Variants in PRKAG2 observed in about 807,000 individuals in gnomAD.
PRKAG2 encodes the protein protein kinase AMP-activated non-catalytic subunit gamma 2, also known as 5'-AMP-activated protein kinase subunit gamma-2.
A neutral mutation model predicts 69.6 loss-of-function variants in PRKAG2; 26 were observed. That is an observed-to-expected ratio of 0.37 (90% CI 0.27 to 0.52). The LOEUF (loss-of-function observed/expected upper bound fraction) is 0.52, where lower values mean the gene tolerates loss of function less well. Among genes scored for constraint, PRKAG2 ranks in the 20% least tolerant of loss-of-function variants. The probability of loss-of-function intolerance (pLI) is 0.90; values close to 1 mark genes in which losing one functional copy is unlikely to be tolerated. For missense variants in PRKAG2, 557 were observed against 740.0 expected (o/e 0.75, Z 2.87); for synonymous variants, 293 against 285.0 (o/e 1.03, Z -0.28).
At chr7:151,842,530 ATGATGGTAGTGATGGTAGGTAG>A (rs1273265901) in intron 1 of PRKAG2, among the ~76,000 whole-genome samples, 52 of 142,696 alleles carry the variant, frequency 3.6e-4, no homozygotes, top group African/African-American at 1.1e-3. Flanking sequence ...GTAGGTAGTG[ATGATGGTAGTGATGGTAGGTAG>A]TGATGGTAGT....
intron 1 of PRKAG2, among the ~76,000 whole-genome samples, chr7:151,844,920 A>G (rs1298917089): frequency 3.3e-5 from 5 of 150,202 alleles, no homozygotes. Context: ...TGGCAGATGA[A>G]TTCTGTGCTC....
chr7:151,778,811 C>T lies in PRKAG2; in HGVS notation c.466+2341G>A, dbSNP rs542320529. On this transcript the variant is annotated intron_variant, in intron 3 of 15. Coordinates refer to ENST00000287878, the MANE Select transcript of PRKAG2 (RefSeq NM_016203.4). ...AAAATTGGAATATCAGATAAAGCAACATTTTCCTTCCACCCATCCACTCCT... is the reference window on the plus strand; with the variant it reads ...AAAATTGGAATATCAGATAAAGCAATATTTTCCTTCCACCCATCCACTCCT... Among the ~76,000 whole-genome samples the T allele has an allele frequency of 8.5e-5, 13 of 152,328 alleles. No homozygotes were observed. The East Asian group carries it at 1.5e-3, about 18-fold the overall frequency.
chr7:151,830,670 A>C, intron 1 of PRKAG2, among the ~76,000 whole-genome samples: 1 of 149,836 alleles, frequency 6.7e-6, no homozygotes, highest in African/African-American at 2.4e-5. Context: ...GGCGGGGGGA[A>C]GAGGAACCAG....
intron 1 of PRKAG2, among the ~76,000 whole-genome samples, chr7:151,831,908 C>T (rs184216391): frequency 7.9e-5 from 12 of 152,226 alleles, no homozygotes; most frequent in East Asian, 1.9e-4. Flanking sequence ...TCCCCAGAAC[C>T]GAGACGGGAG....
At chr7:151,747,538 TAGAG>T (rs964493181) in intron 3 of PRKAG2, among the ~76,000 whole-genome samples, 2 of 150,144 alleles carry the variant, frequency 1.3e-5, no homozygotes, top group Non-Finnish European at 3.0e-5. Flanking sequence ...GCCTGGGTGA[TAGAG>T]AGAGACTCCG....
In PRKAG2 at chr7:151,567,024, A is replaced by G. The variant is rs565086022; in HGVS notation, c.1234-1139T>C. Among the ~76,000 whole-genome samples, 7 of 152,346 alleles carry G rather than the reference A, an allele frequency of 4.6e-5. No individual in the cohort carries two copies. Among genetic ancestry groups the G allele is most frequent in the African/African-American group, 1.7e-4 (7 of 41,572 alleles). ...CTTTTTATAGAAGATAAAAATCTGA[A>G]GCAGCTCTGCAAAAGAATGATCTCA... On this transcript the variant is annotated intron_variant, in intron 11 of 15. Transcript: ENST00000287878. The surrounding 1 kb of genome is among the most constrained non-coding windows in gnomAD (Gnocchi z 4.2).
At chr7:151,856,902 G>A (rs2079792991) in intron 1 of PRKAG2, among the ~76,000 whole-genome samples, 1 of 152,090 alleles carries the variant, frequency 6.6e-6, no homozygotes, top group Non-Finnish European at 1.5e-5. Context: ...ACAACAAGAA[G>A]GGCGGAGAGA....
chr7:151,796,963 C>A (rs556178833), intron 1 of PRKAG2, among the ~76,000 whole-genome samples: 18 of 151,996 alleles, frequency 1.2e-4, no homozygotes, highest in African/African-American at 4.4e-4. Flanking sequence ...TTTATTGGCT[C>A]GCAAATAAAA....
chr7:151,746,389 C>G (rs1356681857), intron 3 of PRKAG2, among the ~76,000 whole-genome samples: 1 of 152,218 alleles, frequency 6.6e-6, no homozygotes, highest in East Asian at 1.9e-4. Context: ...GTTTAAAACA[C>G]TTAGGTCAGA....
At chr7:151,853,382 A>T (rs370949248) in intron 1 of PRKAG2, among the ~76,000 whole-genome samples, 4 of 152,162 alleles carry the variant, frequency 2.6e-5, no homozygotes, top group Non-Finnish European at 5.9e-5. Context: ...TAATTTACGT[A>T]TATGTTTTTC....
In PRKAG2 at chr7:151,614,071, C is replaced by T. The variant is rs1438452806; in HGVS notation, c.754+17998G>A. Among the ~76,000 whole-genome samples, 3 of 152,112 alleles carry T rather than the reference C, an allele frequency of 2.0e-5. No individual in the cohort carries two copies. The highest frequency in any genetic ancestry group is 2.9e-5 in the Non-Finnish European group (2 of 68,000). On this transcript the variant is annotated intron_variant, in intron 5 of 15. Coordinates refer to ENST00000287878, the MANE Select transcript of PRKAG2 (RefSeq NM_016203.4). The surrounding 1 kb of genome is among the most constrained non-coding windows in gnomAD (Gnocchi z 4.4). ...ACCTTACCTCCAACTCAGACACCCC[C>T]GCTCCAGTGACCAACTCTCTGGTCT...
intron 3 of PRKAG2, among the ~76,000 whole-genome samples, chr7:151,682,015 G>T (rs377301922): frequency 6.6e-6 from 1 of 152,186 alleles, no homozygotes; most frequent in African/African-American, 2.4e-5. Flanking sequence ...CCCATGTAGG[G>T]AGGGACAGGC....
At chr7:151,744,774 C>T (rs772371061) in intron 3 of PRKAG2, among the ~76,000 whole-genome samples, 9 of 152,100 alleles carry the variant, frequency 5.9e-5, no homozygotes, top group Non-Finnish European at 1.2e-4. Context: ...CTGGGAGCAC[C>T]GCGCAGGCAG....
chr7:151,564,336 ATTTAGTACCTGCATAC>A, intron 13 of PRKAG2, 112 bp from the exon 14 acceptor site: 1 of 1,136,282 alleles, frequency 8.8e-7, no homozygotes, highest in South Asian at 1.3e-5. Flanking sequence ...GCTTATCTGA[ATTTAGTACCTGCATAC>A]ATCAGACGTT....
rs560080587 is a variant in PRKAG2 at position 151,605,936 on chromosome 7, C to CAAAAAAAAAAAAAAAAAAAAAA, written c.755-10483_755-10482insTTTTTTTTTTTTTTTTTTTTTT. ...CTGGCGACAGAGCGAGACTCCGTCT[C>CAAAAAAAAAAAAAAAAAAAAAA]AAAAAAAAAAAAAAAAAAAAGAATT... On this transcript the variant is annotated intron_variant, in intron 5 of 15. Transcript: ENST00000287878. Among the ~76,000 whole-genome samples, 23 of 91,046 alleles carry CAAAAAAAAAAAAAAAAAAAAAA rather than the reference C, an allele frequency of 2.5e-4. 1 individual carries two copies. The highest frequency in any genetic ancestry group is 8.5e-4 in the African/African-American group (22 of 25,878). The allele number at this position is 91,046 out of a possible 152,430, so 59.7% of individuals were successfully genotyped here.
At chr7:151,737,581 C>T (rs1025465492) in intron 3 of PRKAG2, among the ~76,000 whole-genome samples, 3 of 152,140 alleles carry the variant, frequency 2.0e-5, no homozygotes, top group East Asian at 1.9e-4. Context: ...ACGGCTCGTC[C>T]GAAAACAAGG....
In PRKAG2 at chr7:151,836,672, G is replaced by A. The variant is rs2079153691; in HGVS notation, c.114+39835C>T. ...CTGGGTGCAGCCTTAGCGGGGCACA[G>A]GAGGGCGTGTATGCGGGTCCTCCAG... On this transcript the variant is annotated intron_variant, in intron 1 of 15. Transcript: ENST00000287878. This position sits in a 1 kb window ranked among gnomAD's most constrained non-coding sequence, Gnocchi z 4.1. 6.6e-6 allele frequency among the ~76,000 whole-genome samples: 1 copy of A among 152,206 alleles called. No individual in the cohort carries two copies. Among genetic ancestry groups the A allele is most frequent in the African/African-American group, 2.4e-5 (1 of 41,454 alleles).
chr7:151,728,306 G>A (rs993675060), intron 3 of PRKAG2, among the ~76,000 whole-genome samples: 13 of 152,122 alleles, frequency 8.5e-5, no homozygotes, highest in African/African-American at 1.2e-4. Flanking sequence ...AATTATTACC[G>A]CAGGGCAGAA....
chr7:151,853,734 T>C lies in PRKAG2; in HGVS notation c.114+22773A>G, dbSNP rs571180233. 2.9e-5 allele frequency among the ~76,000 whole-genome samples: 4 copies of C among 139,180 alleles called. No individual in the cohort carries two copies. In the East Asian group the frequency reaches 8.4e-4, roughly 29 times the overall value. The allele number at this position is 139,180 out of a possible 152,430, so 91.3% of individuals were successfully genotyped here. On this transcript the variant is annotated intron_variant, in intron 1 of 15. Coordinates refer to ENST00000287878, the MANE Select transcript of PRKAG2 (RefSeq NM_016203.4). ...GAGATCATGCCACTGCAGTCCAGCC[T>C]GGGCAACACAGTGAGACTCCGTCTC... is the stretch of plus-strand genomic sequence containing the variant.
Sources: gnomAD v4.1 joint callset for allele counts (sites outside exome capture counted in the v4.1 genomes callset) on GRCh38, gnomAD v4.1.1 for gene constraint, Gnocchi (gnomAD v3.1) non-coding constraint, MANE v1.5 for transcripts, NCBI Gene and HGNC (gene_info 2026-07-23, HGNC 2026-07-21) for gene names.